ZNF469: variants seen among roughly 807,000 people sequenced by gnomAD.
The protein encoded by ZNF469 is zinc finger protein 469.
Under a neutral mutation model 1.0 loss-of-function variants are expected in ZNF469, and 1 was observed. The observed-to-expected ratio is 1.00, with a 90% CI of 0.35 to 4.73. The LOEUF (loss-of-function observed/expected upper bound fraction) is 4.73, where lower values mean the gene tolerates loss of function less well. Ranked by LOEUF, ZNF469 falls within the 30% of genes most tolerant of loss-of-function variation. The pLI is 0.16. For missense variants in ZNF469, 6,100 were observed against 5,356.3 expected (o/e 1.14, Z -4.33); for synonymous variants, 2,703 against 2,363.4 (o/e 1.14, Z -4.17).
At chr16:88,116,079 G>A in the ZNF469 span, among the ~76,000 whole-genome samples, 1 of 152,178 alleles carries the variant, frequency 6.6e-6, no homozygotes, top group Non-Finnish European at 1.5e-5. Context: ...TAACACACAT[G>A]CCCGACTAGA....
chr16:88,172,439 G>T, the ZNF469 span, among the ~76,000 whole-genome samples: 1 of 152,168 alleles, frequency 6.6e-6, no homozygotes, highest in Non-Finnish European at 1.5e-5. Flanking sequence ...GGCTGTTTTG[G>T]ACCCACCCTG....
chr16:88,326,941 G>A, the ZNF469 span, among the ~76,000 whole-genome samples: 4 of 152,282 alleles, frequency 2.6e-5, no homozygotes, highest in African/African-American at 9.6e-5. Flanking sequence ...CTCTCGGCCT[G>A]TGTCCCTGTC....
At chr16:88,367,722 C>A in the ZNF469 span, among the ~76,000 whole-genome samples, 1 of 152,238 alleles carries the variant, frequency 6.6e-6, no homozygotes, top group South Asian at 2.1e-4. Flanking sequence ...CCATCCTGAG[C>A]CTCACTGGCA....
chr16:88,247,964 G>T, the ZNF469 span, among the ~76,000 whole-genome samples: 5 of 152,278 alleles, frequency 3.3e-5, no homozygotes, highest in African/African-American at 1.2e-4. Flanking sequence ...TTGTTCAGTG[G>T]TCGTCCCAAG....
At chr16:88,119,224 G>A in the ZNF469 span, among the ~76,000 whole-genome samples, 1 of 152,146 alleles carries the variant, frequency 6.6e-6, no homozygotes, top group Non-Finnish European at 1.5e-5. Context: ...GCGGTCTCAC[G>A]GTTAGCTCTG....
chr16:88,358,167 A>G, the ZNF469 span, among the ~76,000 whole-genome samples: 2 of 152,240 alleles, frequency 1.3e-5, no homozygotes, highest in African/African-American at 4.8e-5. Context: ...CGTGGGCGTC[A>G]GGCCTCAGGA....
chr16:88,298,643 C>T, the ZNF469 span, among the ~76,000 whole-genome samples: 1 of 152,068 alleles, frequency 6.6e-6, no homozygotes, highest in South Asian at 2.1e-4. Context: ...GGTTATGTGC[C>T]AGAGAGATTT....
the ZNF469 span, among the ~76,000 whole-genome samples, chr16:88,283,487 A>G: frequency 6.6e-6 from 1 of 152,226 alleles, no homozygotes; most frequent in East Asian, 1.9e-4. Flanking sequence ...AACGTCAACA[A>G]CTGTGAGCCT....
At chr16:88,390,755 C>G (rs1020270473) in intron 1 of ZNF469, among the ~76,000 whole-genome samples, 1 of 152,190 alleles carries the variant, frequency 6.6e-6, no homozygotes, top group Non-Finnish European at 1.5e-5. Flanking sequence ...GGGAAGGCGT[C>G]TCTGAGCTGG....
In ZNF469 at chr16:88,437,475, C is replaced by T. The variant is rs553175600; in HGVS notation, c.10005C>T (p.Pro3335=). 1.7e-4 allele frequency: 258 copies of T among 1,537,592 alleles called. No individual in the cohort carries two copies. In the African/African-American group the frequency reaches 3.1e-3, roughly 18 times the overall value. The change falls in exon 3 of 3, where the codon CCC becomes CCT. Residue 3335 remains proline (P), a synonymous_variant. Coordinates refer to ENST00000565624, the MANE Select transcript of ZNF469 (RefSeq NM_001367624.2). ...ATPVHEACKD[P]SRDCHHCGKR... ...CGGTGCACGAGGCCTGCAAGGACCC[C>T]TCCCGCGACTGCCACCACTGCGGGA... is the stretch of plus-strand genomic sequence containing the variant.
chr16:88,155,733 C>T, the ZNF469 span, among the ~76,000 whole-genome samples: 1 of 152,188 alleles, frequency 6.6e-6, no homozygotes, highest in Non-Finnish European at 1.5e-5. Context: ...CACTTTTTGG[C>T]CATTACAAAT....
chr16:88,194,248 G>A, the ZNF469 span: 4 of 152,382 alleles, frequency 2.6e-5, no homozygotes, highest in Non-Finnish European at 4.4e-5. Flanking sequence ...TGCAGCAGCC[G>A]GGGACGGGCC....
the ZNF469 span, among the ~76,000 whole-genome samples, chr16:88,118,901 G>A: frequency 2.6e-5 from 4 of 152,226 alleles, no homozygotes; most frequent in South Asian, 8.3e-4. Flanking sequence ...ATCCCCAGGT[G>A]GTCATCGGCT....
rs1333563231 is a variant in ZNF469 at position 88,429,089 on chromosome 16, G to A, written c.1619G>A (p.Ser540Asn). 3.9e-6 allele frequency: 6 copies of A among 1,550,004 alleles called. No individual in the cohort carries two copies. In the South Asian group the frequency reaches 7.1e-5, roughly 18 times the overall value. Residue 540 changes from serine (S) to asparagine (N), a missense_variant, in exon 3 of 3, where the codon AGC becomes AAC. Physicochemically the swap from Ser to Asn is conservative, Grantham distance 46. Coordinates refer to ENST00000565624, the MANE Select transcript of ZNF469 (RefSeq NM_001367624.2). ...PREKLPAVRS[S>N]QGGSPALFTY... ...GAGAAGCTGCCAGCCGTGAGAAGCA[G>A]CCAGGGCGGCTCCCCAGCACTGTTC...
rs1262682961 is a variant in ZNF469, at chr16:88,438,848, C to T, written c.11378C>T (p.Pro3793Leu). ...RAQAKSCTKGPREAGEQGPHG... is the reference protein window; with the variant it reads ...RAQAKSCTKGLREAGEQGPHG... ...CAAGCCAAGAGCTGCACCAAGGGGCCAAGGGAAGCTGGTGAGCAGGGGCCC... is the reference window on the plus strand; with the variant it reads ...CAAGCCAAGAGCTGCACCAAGGGGCTAAGGGAAGCTGGTGAGCAGGGGCCC... The change falls in exon 3 of 3, where the codon CCA becomes CTA. Residue 3793 changes from proline to leucine, a missense_variant. Physicochemically the swap from Pro to Leu is moderately conservative, Grantham distance 98 (BLOSUM62 -3). Transcript: ENST00000565624. 44 of 1,550,382 alleles carry T rather than the reference C, an allele frequency of 2.8e-5. No homozygotes were observed. The highest frequency in any genetic ancestry group is 3.2e-5 in the Non-Finnish European group (37 of 1,146,968).
the ZNF469 span, among the ~76,000 whole-genome samples, chr16:88,148,516 T>C: frequency 1.6e-4 from 24 of 152,122 alleles, no homozygotes; most frequent in Admixed American, 5.2e-4. Context: ...AGAGGGGCAA[T>C]GTGGAAGCCT....
chr16:88,136,511 G>T, the ZNF469 span, among the ~76,000 whole-genome samples: 1 of 152,374 alleles, frequency 6.6e-6, no homozygotes, highest in Non-Finnish European at 1.5e-5. Context: ...TGACCATTTA[G>T]ATGCATGAGT....
the ZNF469 span, among the ~76,000 whole-genome samples, chr16:88,186,174 G>A: frequency 6.6e-6 from 1 of 152,244 alleles, no homozygotes; most frequent in Non-Finnish European, 1.5e-5. Flanking sequence ...CACAAGGTGG[G>A]TGTGGGTGGG....
chr16:88,402,929 C>A (rs1904924321), intron 1 of ZNF469, among the ~76,000 whole-genome samples: 1 of 152,178 alleles, frequency 6.6e-6, no homozygotes. Context: ...TGAGAACCCC[C>A]ACGCCGGGAA....
Sources: gnomAD v4.1 joint callset for allele counts (sites outside exome capture counted in the v4.1 genomes callset) on GRCh38, gnomAD v4.1.1 for gene constraint, MANE v1.5 for transcripts, NCBI Gene and HGNC (gene_info 2026-07-23, HGNC 2026-07-21) for gene names.